CEP20: variants seen among roughly 807,000 people sequenced by gnomAD.
CEP20 encodes centrosomal protein 20.
Under a neutral mutation model 20.0 loss-of-function variants are expected in CEP20, and 18 were observed. The observed-to-expected ratio is 0.90, with a 90% confidence interval of 0.62 to 1.34. The LOEUF (loss-of-function observed/expected upper bound fraction) is 1.34, where lower values mean the gene tolerates loss of function less well. CEP20 is among the 40% of genes most tolerant of loss of function. The pLI is 0.00. For missense variants in CEP20, 215 were observed against 201.6 expected, an observed-to-expected ratio of 1.07 and a Z score of -0.40; for synonymous variants, 77 against 73.7, an observed-to-expected ratio of 1.04 and a Z score of -0.23.
In CEP20 at chr16:15,884,155, T is replaced by C. The variant is rs1162669209; in HGVS notation, c.79A>G (p.Arg27Gly). The change falls in exon 2 of 5, where the codon AGG becomes GGG. Residue 27 changes from arginine to glycine, a missense_variant. By Grantham distance (125) the Arg-to-Gly change is moderately radical. Coordinates refer to ENST00000255759, the MANE Select transcript of CEP20 (RefSeq NM_144600.4). ...KKGVLGHLKA[R>G]IRAEVFNALD... ...GCATTGAAAACTTCAGCTCGGATCC[T>C]TGCTTTTAAATGCCCTAATACCCCC... 2.7e-5 allele frequency: 44 copies of C among 1,613,982 alleles called. No homozygotes were observed. The highest frequency in any genetic ancestry group is 3.6e-5 in the Non-Finnish European group (43 of 1,179,954).
rs1190943615 is a variant in CEP20, at chr16:15,867,641, G to C, written c.449-125C>G. On this transcript the variant is annotated intron_variant, in intron 4 of 4. Transcript: ENST00000255759. ...TTCTATGAGTACTTTAGATGGTTTA[G>C]GACAATGAAAAAAACCCATTATTTT... 4.9e-5 allele frequency: 29 copies of C among 593,236 alleles called. No homozygotes were observed. The South Asian group carries it at 8.6e-4, about 18-fold the overall frequency. The allele number at this position is 593,236 out of a possible 1,614,324, so 36.7% of individuals were successfully genotyped here. A position where few individuals can be genotyped will look rare whatever the true frequency, so the allele number is the denominator to read the frequency against.
Position 15,871,759 on chromosome 16 carries a change from A to G in CEP20, c.448+1732T>C, listed in dbSNP as rs530842720. Among the ~76,000 whole-genome samples the G allele has an allele frequency of 2.0e-4, 30 of 152,286 alleles. No homozygotes were observed. In the South Asian group the frequency reaches 3.3e-3, roughly 17 times the overall value. On this transcript the variant is annotated intron_variant, in intron 4 of 4. Coordinates refer to ENST00000255759, the MANE Select transcript of CEP20 (RefSeq NM_144600.4). ...GTTCCATCCAGTTCAGCATTCTAAT[A>G]TATATAGAAAGATATCTCCTAGTGC...
At chr16:15,886,705 G>A (rs955802494) in intron 1 of CEP20, among the ~76,000 whole-genome samples, 4 of 152,104 alleles carry the variant, frequency 2.6e-5, no homozygotes, top group African/African-American at 9.7e-5. Flanking sequence ...AAACGTGATC[G>A]TGCTTAAAAA....
intron 2 of CEP20, among the ~76,000 whole-genome samples, chr16:15,882,763 CTATCTATCTATCTATCT>C (rs1290537755): frequency 8.0e-4 from 92 of 115,610 alleles, no homozygotes; most frequent in African/African-American, 3.1e-3. Flanking sequence ...ATCTATCTAT[CTATCTATCTATCTATCT>C]AGATACACAC....
chr16:15,883,640 C>G (rs1189626291), intron 2 of CEP20, among the ~76,000 whole-genome samples: 2 of 152,132 alleles, frequency 1.3e-5, no homozygotes. Flanking sequence ...ACTGAGATTA[C>G]AGGTGTGAGC....
Position 15,884,123 on chromosome 16 carries a change from AT to A in CEP20, c.110del (p.Asp37ValfsTer16), listed in dbSNP as rs779586458. The A allele has an allele frequency of 1.2e-6, 2 of 1,614,092 alleles. No individual in the cohort carries two copies. The highest frequency in any genetic ancestry group is 2.7e-5 in the African/African-American group (2 of 74,952). The part of the protein sequence containing the change: ...RIRAEVFNAL[D>X]DDREPRPSLS... ...ATGATGGTCGGGGTTCACGGTCATC[AT>A]CTAGGGCATTGAAAACTTCAGCTCG... On this transcript the variant is annotated frameshift_variant, in exon 2 of 5. Coordinates refer to ENST00000255759, the MANE Select transcript of CEP20 (RefSeq NM_144600.4). LOFTEE classifies it high-confidence loss of function.
Position 15,867,363 on chromosome 16 carries a change from T to A in CEP20, c.*77A>T. 9.0e-7 allele frequency: 1 copy of A among 1,115,978 alleles called. No homozygotes were observed. Among genetic ancestry groups the A allele is most frequent in the Non-Finnish European group, 1.2e-6 (1 of 810,072 alleles). 69.1% of individuals were successfully genotyped at this position (1,115,978 alleles called of 1,614,324 possible). Reference sequence around the variant, plus strand: ...TTTCTACAAACATTAGTGGTGCATTTTGGTAACATTGGGACAATAAATAAG... The same window carrying A: ...TTTCTACAAACATTAGTGGTGCATTATGGTAACATTGGGACAATAAATAAG... On this transcript the variant is annotated 3_prime_UTR_variant, in exon 5 of 5. Transcript: ENST00000255759.
Position 15,867,496 on chromosome 16 carries a change from C to A in CEP20, c.469G>T (p.Glu157Ter). 6.2e-7 allele frequency: 1 copy of A among 1,605,036 alleles called. No homozygotes were observed. Among genetic ancestry groups the A allele is most frequent in the South Asian group, 1.1e-5 (1 of 89,812 alleles). Reference protein sequence around the residue: ...KPMDDHLRKEEQKSTNIEDLH... With the variant: ...KPMDDHLRKE ...TCTTCAATGTTAGTACTTTTCTGTTCCTCCTTTCTTAGGTGGTCATCTGAA... is the reference window on the plus strand; with the variant it reads ...TCTTCAATGTTAGTACTTTTCTGTTACTCCTTTCTTAGGTGGTCATCTGAA... The change falls in exon 5 of 5, where the codon GAA becomes TAA. Residue 157 changes from glutamate (E) to a stop codon, truncating the protein, a stop_gained. Coordinates refer to ENST00000255759, the MANE Select transcript of CEP20 (RefSeq NM_144600.4). LOFTEE classifies it low-confidence loss of function (END_TRUNC).
At chr16:15,873,341 C>T (rs1344429704) in intron 4 of CEP20, 150 bp downstream of exon 4, 3 of 895,308 alleles carry the variant, frequency 3.4e-6, no homozygotes, top group Non-Finnish European at 4.6e-6. Context: ...AAAAAGCATT[C>T]TGTTTCTTGG....
intron 1 of CEP20, among the ~76,000 whole-genome samples, chr16:15,888,269 AG>A (rs766947303): frequency 4.6e-5 from 7 of 152,110 alleles, no homozygotes; most frequent in Non-Finnish European, 7.4e-5. Flanking sequence ...AAGATGAGCC[AG>A]GGGCCCAAGA....
At chr16:15,888,469 G>C in intron 1 of CEP20, 89 bp downstream of exon 1, 1 of 1,556,936 alleles carries the variant, frequency 6.4e-7, no homozygotes, top group South Asian at 1.1e-5. Context: ...GCCAACCCAT[G>C]TGTTCCGCGC....
intron 3 of CEP20, among the ~76,000 whole-genome samples, chr16:15,876,335 C>G (rs1252486293): frequency 6.6e-6 from 1 of 151,062 alleles, no homozygotes; most frequent in Non-Finnish European, 1.5e-5. Flanking sequence ...ATTAGCCAGG[C>G]GTGGTGGCAT....
chr16:15,877,748 G>A (rs2044990398), intron 3 of CEP20, among the ~76,000 whole-genome samples: 1 of 152,056 alleles, frequency 6.6e-6, no homozygotes, highest in Non-Finnish European at 1.5e-5. Flanking sequence ...CTGCACTCTA[G>A]AGACCTGGGC....
chr16:15,876,497 G>A (rs567112499), intron 3 of CEP20, among the ~76,000 whole-genome samples: 52 of 150,954 alleles, frequency 3.4e-4, no homozygotes, highest in South Asian at 8.4e-4. Context: ...AAGAACTCTC[G>A]CTGTGTGGCC....
chr16:15,873,479 G>A lies in CEP20; in HGVS notation c.448+12C>T. The A allele has an allele frequency of 1.2e-6, 2 of 1,601,520 alleles. No individual in the cohort carries two copies. The highest frequency in any genetic ancestry group is 1.3e-5 in the African/African-American group (1 of 74,430). On this transcript the variant is annotated intron_variant, in intron 4 of 4. Transcript: ENST00000255759. ...GCTGACAGCTAAATGATGAATCTTG[G>A]AAAACTCATACCCATTGGCTTTCTT...
intron 2 of CEP20, among the ~76,000 whole-genome samples, chr16:15,882,778 TCTAG>T (rs780477559): frequency 2.0e-5 from 1 of 50,552 alleles, no homozygotes; most frequent in East Asian, 4.6e-4. Context: ...TATCTATCTA[TCTAG>T]ATACACACAC....
intron 1 of CEP20, among the ~76,000 whole-genome samples, chr16:15,887,423 G>A (rs992179981): frequency 3.9e-5 from 6 of 152,202 alleles, no homozygotes; most frequent in African/African-American, 1.4e-4. Flanking sequence ...TCCCTGCAAA[G>A]TGGAACTGGT....
At chr16:15,872,613 G>A (rs1278536382) in intron 4 of CEP20, among the ~76,000 whole-genome samples, 5 of 152,102 alleles carry the variant, frequency 3.3e-5, no homozygotes, top group Non-Finnish European at 7.3e-5. Context: ...AGGCAAGAAG[G>A]TGAGAGGATT....
chr16:15,877,133 T>A (rs1339780813), intron 3 of CEP20: 1 of 152,424 alleles, frequency 6.6e-6, no homozygotes, highest in Non-Finnish European at 1.5e-5. Context: ...ATTACAGGCG[T>A]GAGCCAATGC....
Sources: allele counts gnomAD v4.1 joint callset (sites outside exome capture counted in the v4.1 genomes callset), GRCh38; gene constraint gnomAD v4.1.1; transcripts MANE v1.5; gene names NCBI Gene and HGNC (gene_info 2026-07-23, HGNC 2026-07-21).